SLCO5A1: variants seen among roughly 807,000 people sequenced by gnomAD.
SLCO5A1 encodes the protein solute carrier organic anion transporter family member 5A1, also known as organic anion transporter polypeptide-related protein 4.
Under a neutral mutation model 65.1 loss-of-function variants are expected in SLCO5A1, and 39 were observed. The ratio of observed to expected loss-of-function variants is 0.60; its 90% CI spans 0.46 to 0.78. The LOEUF (loss-of-function observed/expected upper bound fraction) is 0.78. SLCO5A1 is among the 30% of genes least tolerant of loss of function. The probability of loss-of-function intolerance (pLI) is 0.00; values close to 1 mark genes in which losing one functional copy is unlikely to be tolerated. For missense variants in SLCO5A1, 1,029 were observed against 1,069.4 expected (o/e 0.96, Z 0.53); for synonymous variants, 438 against 415.7 (o/e 1.05, Z -0.65).
At chr8:69,729,753 A>G (rs1563687699) in intron 5 of SLCO5A1, among the ~76,000 whole-genome samples, 2 of 152,126 alleles carry the variant, frequency 1.3e-5, no homozygotes. Flanking sequence ...AAGCATGGAC[A>G]TCCCTCCCTA....
chr8:69,742,832 G>A (rs906361466), intron 4 of SLCO5A1, among the ~76,000 whole-genome samples: 11 of 118,356 alleles, frequency 9.3e-5, no homozygotes, highest in South Asian at 2.8e-4. Flanking sequence ...ACTGAGTCTC[G>A]CTCTGTTGCC....
chr8:69,716,229 G>T (rs1429567714), intron 5 of SLCO5A1, among the ~76,000 whole-genome samples: 1 of 152,106 alleles, frequency 6.6e-6, no homozygotes, highest in Non-Finnish European at 1.5e-5. Flanking sequence ...CCCATGCATT[G>T]GTGGATGGAC....
chr8:69,679,878 GT>G (rs1813695509), intron 7 of SLCO5A1, among the ~76,000 whole-genome samples: 1 of 152,120 alleles, frequency 6.6e-6, no homozygotes, highest in South Asian at 2.1e-4. Flanking sequence ...TACCATTCAC[GT>G]TCTGCAGGCT....
intron 6 of SLCO5A1, among the ~76,000 whole-genome samples, chr8:69,683,854 G>A (rs2130791204): frequency 6.6e-6 from 1 of 152,242 alleles, no homozygotes. Flanking sequence ...GAGCAACCAT[G>A]CCTGGCCAAG....
At chr8:69,715,558 C>T (rs1249605253) in intron 5 of SLCO5A1, among the ~76,000 whole-genome samples, 1 of 152,108 alleles carries the variant, frequency 6.6e-6, no homozygotes, top group African/African-American at 2.4e-5. Flanking sequence ...CTGCAAAACC[C>T]TGACAAAGCT....
intron 2 of SLCO5A1, among the ~76,000 whole-genome samples, chr8:69,818,954 G>A (rs1444481373): frequency 6.6e-6 from 1 of 152,146 alleles, no homozygotes; most frequent in Non-Finnish European, 1.5e-5. Context: ...TCAGCCTCAT[G>A]TTAGTTTTCA....
intron 9 of SLCO5A1, among the ~76,000 whole-genome samples, chr8:69,674,613 C>T (rs1028545472): frequency 4.6e-5 from 7 of 152,060 alleles, no homozygotes; most frequent in Middle Eastern, 3.2e-3. Flanking sequence ...AATGTTCTCC[C>T]TCCACTTATT....
intron 2 of SLCO5A1, among the ~76,000 whole-genome samples, chr8:69,764,083 G>A (rs374252214): frequency 6.9e-4 from 105 of 152,184 alleles, no homozygotes; most frequent in African/African-American, 2.3e-3. Flanking sequence ...CATACTGGTC[G>A]CGAACTCCTG....
chr8:69,786,257 C>A (rs770092188), intron 2 of SLCO5A1, among the ~76,000 whole-genome samples: 11 of 152,198 alleles, frequency 7.2e-5, no homozygotes, highest in East Asian at 5.8e-4. Flanking sequence ...TCAGGGATGG[C>A]CTGAATAAGT....
chr8:69,743,460 TC>T (rs1466208113), intron 4 of SLCO5A1, among the ~76,000 whole-genome samples: 1 of 152,156 alleles, frequency 6.6e-6, no homozygotes, highest in Non-Finnish European at 1.5e-5. Flanking sequence ...CAAGCAATCC[TC>T]CCACATCAGC....
rs145861997 is a variant in SLCO5A1 at position 69,807,106 on chromosome 8, G to A, written c.907+24661C>T. Among the ~76,000 whole-genome samples the A allele has an allele frequency of 5.6e-3, 852 of 152,298 alleles. 6 individuals carry two copies. The highest frequency in any genetic ancestry group is 7.8e-3 in the Non-Finnish European group (532 of 68,022). On this transcript the variant is annotated intron_variant, in intron 2 of 9. Transcript: ENST00000260126. ...ATTTCAAACTGTACTACAGGGCAAC[G>A]GAAACTCAAAACACAGAGAGAACCA...
At chr8:69,770,532 G>C (rs771440878) in intron 2 of SLCO5A1, among the ~76,000 whole-genome samples, 5 of 151,994 alleles carry the variant, frequency 3.3e-5, no homozygotes, top group Non-Finnish European at 5.9e-5. Flanking sequence ...CGCCCCTGTC[G>C]CAAATCCATT....
chr8:69,802,196 T>C (rs1819772550), intron 2 of SLCO5A1, among the ~76,000 whole-genome samples: 1 of 152,142 alleles, frequency 6.6e-6, no homozygotes, highest in South Asian at 2.1e-4. Flanking sequence ...AGAAAATTCT[T>C]CAATAAAGAA....
intron 5 of SLCO5A1, chr8:69,713,885 T>A (rs1743795895): frequency 6.6e-6 from 1 of 152,232 alleles, no homozygotes; most frequent in South Asian, 2.1e-4. Context: ...TTCCTCTTGC[T>A]CAGAATAAAT....
At chr8:69,776,066 T>G (rs1209407030) in intron 2 of SLCO5A1, among the ~76,000 whole-genome samples, 2 of 152,084 alleles carry the variant, frequency 1.3e-5, no homozygotes, top group Admixed American at 6.6e-5. Flanking sequence ...AGTTCTAATT[T>G]AATAAACTCA....
intron 3 of SLCO5A1, among the ~76,000 whole-genome samples, chr8:69,756,368 G>GCACTCCA (rs982611566): frequency 1.1e-4 from 16 of 152,044 alleles, no homozygotes; most frequent in Non-Finnish European, 4.4e-5. Context: ...TCAGGCCACT[G>GCACTCCA]CACTCCACAC....
At chr8:69,825,467 C>A (rs1405184858) in intron 2 of SLCO5A1, among the ~76,000 whole-genome samples, 1 of 152,170 alleles carries the variant, frequency 6.6e-6, no homozygotes, top group Non-Finnish European at 1.5e-5. Flanking sequence ...AAATCACAAG[C>A]ATTCTTATAC....
At chr8:69,692,191 G>A (rs1051008752) in intron 6 of SLCO5A1, among the ~76,000 whole-genome samples, 1 of 152,234 alleles carries the variant, frequency 6.6e-6, no homozygotes, top group Admixed American at 6.5e-5. Context: ...GGAGCTTGCA[G>A]TGAGCCAAGA....
At chr8:69,678,966 TA>T in intron 8 of SLCO5A1, among the ~76,000 whole-genome samples, 1 of 152,334 alleles carries the variant, frequency 6.6e-6, no homozygotes. Context: ...AGGTTGAAGA[TA>T]ATAGCCTTTG....
Sources: gnomAD v4.1 joint callset for allele counts (sites outside exome capture counted in the v4.1 genomes callset) on GRCh38, gnomAD v4.1.1 for gene constraint, MANE v1.5 for transcripts, NCBI Gene and HGNC (gene_info 2026-07-23, HGNC 2026-07-21) for gene names.